Variants in SLC38A1 observed in about 807,000 individuals in gnomAD.
SLC38A1 encodes the protein solute carrier family 38 member 1, also known as sodium-coupled neutral amino acid symporter 1.
Under a neutral mutation model 60.3 loss-of-function variants are expected in SLC38A1, and 18 were observed. The observed-to-expected ratio is 0.30, with a 90% CI of 0.21 to 0.44. The LOEUF (loss-of-function observed/expected upper bound fraction) is 0.44. Among genes scored for constraint, SLC38A1 ranks in the 20% least tolerant of loss-of-function variants. SLC38A1 has a pLI of 1.00. For synonymous variants in SLC38A1, 196 were observed against 212.1 expected (o/e 0.92, Z 0.66); for missense variants, 448 against 587.2 (o/e 0.76, Z 2.45).
chr12:46,206,620 G>A (rs1043181174), intron 8 of SLC38A1, among the ~76,000 whole-genome samples: 2 of 152,108 alleles, frequency 1.3e-5, no homozygotes, highest in African/African-American at 4.8e-5. Flanking sequence ...TAGAGACTCT[G>A]GCTTCTACGA....
chr12:46,246,624 G>A (rs956085767), intron 1 of SLC38A1, among the ~76,000 whole-genome samples: 3 of 152,230 alleles, frequency 2.0e-5, no homozygotes, highest in African/African-American at 4.8e-5. Context: ...AGACTTAAAC[G>A]TACCTGTCTG....
In SLC38A1 at chr12:46,243,884, TG is replaced by T. The variant is rs571895350; in HGVS notation, c.-208-571del. Among the ~76,000 whole-genome samples, 403 of 152,364 alleles carry T rather than the reference TG, an allele frequency of 2.6e-3. 4 individuals are homozygous for T. Among genetic ancestry groups the T allele is most frequent in the African/African-American group, 9.2e-3 (383 of 41,574 alleles). ...GGCATCAATTTCTTGTTATGCTTAT[TG>T]GTACAATTTATTAATAGTACCAATG... On this transcript the variant is annotated intron_variant, in intron 1 of 16. Coordinates refer to ENST00000398637, the MANE Select transcript of SLC38A1 (RefSeq NM_030674.4).
intron 5 of SLC38A1, among the ~76,000 whole-genome samples, chr12:46,224,094 T>C (rs1940771201): frequency 6.6e-6 from 1 of 152,194 alleles, no homozygotes; most frequent in South Asian, 2.1e-4. Flanking sequence ...AAGACTCAGA[T>C]AAAGAGGAAG....
chr12:46,223,279 ATGT>A (rs1011314720), intron 5 of SLC38A1, among the ~76,000 whole-genome samples: 1 of 152,158 alleles, frequency 6.6e-6, no homozygotes, highest in African/African-American at 2.4e-5. Context: ...CTACCTCATA[ATGT>A]TGTTGGTGGG....
intron 1 of SLC38A1, among the ~76,000 whole-genome samples, chr12:46,245,964 G>T (rs1209425500): frequency 1.3e-5 from 2 of 151,978 alleles, no homozygotes; most frequent in African/African-American, 4.8e-5. Flanking sequence ...ATTGTGTATT[G>T]TATTGTAAGC....
At chr12:46,198,890 G>GAA in intron 13 of SLC38A1, 147 bp from the exon 14 acceptor site, 3 of 601,260 alleles carry the variant, frequency 5.0e-6, no homozygotes, top group Non-Finnish European at 8.8e-6. Flanking sequence ...AGGTTGGAAA[G>GAA]AAAAATCTCT....
At chr12:46,190,290 A>G (rs1425928151) in intron 16 of SLC38A1, among the ~76,000 whole-genome samples, 2 of 152,168 alleles carry the variant, frequency 1.3e-5, no homozygotes, top group Non-Finnish European at 2.9e-5. Context: ...ATGGCTGCAT[A>G]CGATTCCATG....
chr12:46,223,497 C>T (rs1940743137), intron 5 of SLC38A1, among the ~76,000 whole-genome samples: 1 of 151,652 alleles, frequency 6.6e-6, no homozygotes, highest in South Asian at 2.1e-4. Context: ...ATTTATTCTT[C>T]CTAGTAGCTC....
intron 1 of SLC38A1, among the ~76,000 whole-genome samples, chr12:46,261,974 A>G (rs981758373): frequency 2.0e-5 from 3 of 152,210 alleles, no homozygotes; most frequent in African/African-American, 7.2e-5. Flanking sequence ...AATGCACAGG[A>G]CAGCCACACA....
rs1942242186 is a variant in SLC38A1 at position 46,262,928 on chromosome 12, T to G, written c.-209+5598A>C. The stretch of plus-strand genomic sequence containing the variant: ...ATAAGAAGATTGGATTAATGGCTGC[T>G]CTCTCAAAGACCTCTCCCAGTTCTC... On this transcript the variant is annotated intron_variant, in intron 1 of 16. Transcript: ENST00000398637. Among the ~76,000 whole-genome samples, 3 of 152,290 alleles carry G rather than the reference T, an allele frequency of 2.0e-5. No homozygotes were observed. The East Asian group carries it at 5.8e-4, about 29-fold the overall frequency.
Position 46,197,729 on chromosome 12 carries a change from T to A in SLC38A1, c.1353A>T (p.Gln451His). The A allele has an allele frequency of 6.3e-7, 1 of 1,584,080 alleles. No individual in the cohort carries two copies. Among genetic ancestry groups the A allele is most frequent in the Non-Finnish European group, 8.6e-7 (1 of 1,168,368 alleles). Residue 451 changes from glutamine to histidine, a missense_variant, in exon 16 of 17, where the codon CAA (glutamine) becomes CAT (histidine). Coordinates refer to ENST00000398637, the MANE Select transcript of SLC38A1 (RefSeq NM_030674.4). ...ITDQDGDKGT[Q>H]RIWAALFLGL... ...CTGGCAAGAGACATACCCAAATTCT[T>A]TGAGTTCCTTTATCTCCATCCTGGT...
rs769005592 is a variant in SLC38A1, at chr12:46,206,064, C to G, written c.646+16G>C. 8 of 1,579,802 alleles carry G rather than the reference C, an allele frequency of 5.1e-6. No individual in the cohort carries two copies. In the African/African-American group the frequency reaches 9.5e-5, roughly 19 times the overall value. ...TGGGCACTGCAGAATATGATAAAAG[C>G]AAAATCTGTCCTTACCTAAGTTCTT... On this transcript the variant is annotated intron_variant, in intron 9 of 16. Transcript: ENST00000398637.
intron 5 of SLC38A1, among the ~76,000 whole-genome samples, chr12:46,223,249 C>G (rs972435985): frequency 6.6e-6 from 1 of 152,090 alleles, no homozygotes; most frequent in Non-Finnish European, 1.5e-5. Flanking sequence ...GTTACTTTAT[C>G]TGTAAAATGG....
At chr12:46,200,675 A>G (rs1264591645) in intron 13 of SLC38A1, among the ~76,000 whole-genome samples, 1 of 152,114 alleles carries the variant, frequency 6.6e-6, no homozygotes, top group African/African-American at 2.4e-5. Context: ...TAGAAGTTTC[A>G]TTTTTAATTA....
At chr12:46,206,405 T>C (rs1939904535) in intron 8 of SLC38A1, among the ~76,000 whole-genome samples, 1 of 151,924 alleles carries the variant, frequency 6.6e-6, no homozygotes, top group African/African-American at 2.4e-5. Flanking sequence ...ATTGGCTAAA[T>C]GTGGCATTCT....
At position 46,236,736 on chromosome 12, in the gene SLC38A1, A is replaced by T. The variant is rs115215114; in HGVS notation, c.122+2943T>A. Among the ~76,000 whole-genome samples, 1,017 of 152,346 alleles carry T rather than the reference A, an allele frequency of 6.7e-3. 11 individuals are homozygous for T. Among genetic ancestry groups the T allele is most frequent in the African/African-American group, 0.022 (925 of 41,574 alleles). ...ACAAGAAGTTCACATTTAGAGGAAC[A>T]GTCTAGAGCTTTCTACTCAAAGTTT... On this transcript the variant is annotated intron_variant, in intron 3 of 16. Transcript: ENST00000398637.
At chr12:46,267,404 C>T (rs1368052083) in intron 1 of SLC38A1, 2 of 152,362 alleles carry the variant, frequency 1.3e-5, no homozygotes, top group African/African-American at 4.8e-5. Flanking sequence ...CCACCTTCCC[C>T]AGCCCAAGGC....
intron 3 of SLC38A1, 84 bp from the exon 4 acceptor site, chr12:46,229,723 A>C (rs1184851093): frequency 4.0e-5 from 48 of 1,185,562 alleles, no homozygotes; most frequent in Non-Finnish European, 5.6e-5. Context: ...TTACTCATCA[A>C]AACATACATG....
chr12:46,197,853 C>T lies in SLC38A1; in HGVS notation c.1265-36G>A, dbSNP rs1367838416. 2.5e-6 allele frequency: 4 copies of T among 1,602,430 alleles called. No individual in the cohort carries two copies. In the African/African-American group the frequency reaches 5.4e-5, roughly 22 times the overall value. ...AGACAAAAGAGAAAGTTTAGCATTG[C>T]TATTGTGAAAATTTCCCTGCAAACA... On this transcript the variant is annotated intron_variant, in intron 15 of 16. Coordinates refer to ENST00000398637, the MANE Select transcript of SLC38A1 (RefSeq NM_030674.4).
Sources: allele counts gnomAD v4.1 joint callset (sites outside exome capture counted in the v4.1 genomes callset), GRCh38; gene constraint gnomAD v4.1.1; transcripts MANE v1.5; gene names NCBI Gene and HGNC (gene_info 2026-07-23, HGNC 2026-07-21).